The following LIN52 variants were observed in gnomAD, a reference collection of about 807,000 sequenced individuals.
LIN52 encodes protein lin-52 homolog.
LIN52 carries 4 observed loss-of-function variants against 18.5 expected under a neutral mutation model. The observed-to-expected ratio is 0.22, with a 90% confidence interval of 0.11 to 0.49. LIN52 has a LOEUF of 0.49. LIN52 is among the 20% of genes least tolerant of loss of function. LIN52 has a pLI of 0.97. For missense variants in LIN52, 102 were observed against 139.5 expected (o/e 0.73, Z 1.35); for synonymous variants, 34 against 45.5 (o/e 0.75, Z 1.02).
chr14:74,199,698 A>G lies in LIN52; in HGVS notation c.*721A>G, dbSNP rs2139602485. 1 of 152,334 alleles carries G rather than the reference A, an allele frequency of 6.6e-6. No homozygotes were observed. The allele number at this position is 152,334 out of a possible 1,614,324, so 9.4% of individuals were successfully genotyped here. A position where few individuals can be genotyped will look rare whatever the true frequency, so the allele number is the denominator to read the frequency against. On this transcript the variant is annotated 3_prime_UTR_variant, in exon 6 of 6. Coordinates refer to ENST00000555028, the MANE Select transcript of LIN52 (RefSeq NM_001024674.3). Reference sequence around the variant, plus strand: ...GCCCATCCAAGGTTGTCTAAAGACCAATGTGAAGGTGACAGAAAGGACTTT... The same window carrying G: ...GCCCATCCAAGGTTGTCTAAAGACCGATGTGAAGGTGACAGAAAGGACTTT...
In LIN52 at chr14:74,117,641, G is replaced by A. The variant is rs192352580; in HGVS notation, c.283+16403G>A. ...AATAAATTGGCATTTTTCTGCTTTC[G>A]TTTGTTTTTTAGTTATTGATGTTCT... On this transcript the variant is annotated intron_variant, in intron 5 of 5. Coordinates refer to ENST00000555028, the MANE Select transcript of LIN52 (RefSeq NM_001024674.3). Among the ~76,000 whole-genome samples the A allele has an allele frequency of 9.9e-5, 15 of 152,182 alleles. No individual in the cohort carries two copies. The East Asian group carries it at 2.7e-3, about 27-fold the overall frequency.
At chr14:74,109,997 G>T (rs1014051083) in intron 5 of LIN52, among the ~76,000 whole-genome samples, 1 of 152,094 alleles carries the variant, frequency 6.6e-6, no homozygotes, top group African/African-American at 2.4e-5. Context: ...TTGAATAGAC[G>T]TGGCAGGAGT....
chr14:74,124,665 C>A (rs957611864), intron 5 of LIN52, among the ~76,000 whole-genome samples: 4 of 151,760 alleles, frequency 2.6e-5, no homozygotes, highest in Non-Finnish European at 5.9e-5. Flanking sequence ...GCAAAATTAG[C>A]TGGGCATGGT....
rs1409701127 is a variant in LIN52, at chr14:74,125,729, T to C, written c.283+24491T>C. 2.0e-5 allele frequency among the ~76,000 whole-genome samples: 3 copies of C among 152,116 alleles called. No individual in the cohort carries two copies. The East Asian group carries it at 5.8e-4, about 29-fold the overall frequency. Reference sequence around the variant, plus strand: ...AGCCATGAAAAATGATGAGTTCATGTCCTTTGTAGGGACATGGATGAAGCT... The same window carrying C: ...AGCCATGAAAAATGATGAGTTCATGCCCTTTGTAGGGACATGGATGAAGCT... On this transcript the variant is annotated intron_variant, in intron 5 of 5. Transcript: ENST00000555028.
At chr14:74,085,678 G>A (rs926553445) in intron 1 of LIN52, 1 of 151,086 alleles carries the variant, frequency 6.6e-6, no homozygotes, top group African/African-American at 2.4e-5. Flanking sequence ...TTTATATATT[G>A]TGTAAAATGC....
chr14:74,085,528 G>C (rs1425984557), intron 1 of LIN52: 1 of 152,278 alleles, frequency 6.6e-6, no homozygotes, highest in East Asian at 1.9e-4. Flanking sequence ...GAGAAGCGGG[G>C]GACGTTCTCG....
chr14:74,137,496 C>CT (rs1409995305), intron 5 of LIN52, among the ~76,000 whole-genome samples: 2 of 85,516 alleles, frequency 2.3e-5, no homozygotes, highest in Admixed American at 1.1e-4. Flanking sequence ...CACAGCAGCT[C>CT]TCTTTTTTTT....
intron 5 of LIN52, 82 bp from the exon 6 acceptor site, chr14:74,198,840 G>A (rs10145171): frequency 0.59 from 605,990 of 1,032,032 alleles, 184,713 homozygotes; most frequent in Non-Finnish European, 0.64. Flanking sequence ...AAATCAATCT[G>A]CATTTTTAAA....
chr14:74,115,074 G>A (rs1165869895), intron 5 of LIN52, among the ~76,000 whole-genome samples: 1 of 152,178 alleles, frequency 6.6e-6, no homozygotes, highest in Non-Finnish European at 1.5e-5. Flanking sequence ...ACAGGAATTG[G>A]TCCAAAATAT....
chr14:74,129,845 G>A (rs1319541282), intron 5 of LIN52, among the ~76,000 whole-genome samples: 1 of 152,098 alleles, frequency 6.6e-6, no homozygotes, highest in Non-Finnish European at 1.5e-5. Context: ...GAGACCCTAT[G>A]TATAGTCTGT....
chr14:74,086,763 G>A (rs2060734941), intron 1 of LIN52, among the ~76,000 whole-genome samples: 1 of 152,076 alleles, frequency 6.6e-6, no homozygotes, highest in Non-Finnish European at 1.5e-5. Context: ...CAGAAAGAAG[G>A]GCATTTAAAA....
chr14:74,134,384 T>G (rs1437360598), intron 5 of LIN52, among the ~76,000 whole-genome samples: 1 of 152,162 alleles, frequency 6.6e-6, no homozygotes, highest in South Asian at 2.1e-4. Flanking sequence ...TAGGTAGGAA[T>G]GGTGGGATAG....
At chr14:74,168,268 G>GT (rs1391134271) in intron 5 of LIN52, among the ~76,000 whole-genome samples, 18 of 152,108 alleles carry the variant, frequency 1.2e-4, no homozygotes, top group Admixed American at 1.0e-3. Context: ...TAATATTTCT[G>GT]TTTTTTTAAT....
At chr14:74,105,137 T>G (rs1162896410) in intron 5 of LIN52, among the ~76,000 whole-genome samples, 5 of 152,240 alleles carry the variant, frequency 3.3e-5, no homozygotes, top group Admixed American at 3.3e-4. Context: ...AAAGTTTATT[T>G]TAATGACTTT....
At chr14:74,125,295 G>C (rs917788186) in intron 5 of LIN52, among the ~76,000 whole-genome samples, 4 of 152,138 alleles carry the variant, frequency 2.6e-5, no homozygotes, top group Non-Finnish European at 5.9e-5. Flanking sequence ...TGACTTTTTA[G>C]TGATTGCCAT....
At chr14:74,109,108 C>T (rs2060913017) in intron 5 of LIN52, among the ~76,000 whole-genome samples, 1 of 152,124 alleles carries the variant, frequency 6.6e-6, no homozygotes, top group South Asian at 2.1e-4. Context: ...AATTCTTTCG[C>T]ATGTGGATAT....
At chr14:74,130,277 G>GTTTTTTTTTTTTTTTTTT (rs371965343) in intron 5 of LIN52, among the ~76,000 whole-genome samples, 6 of 46,418 alleles carry the variant, frequency 1.3e-4, no homozygotes, top group Admixed American at 3.1e-4. Context: ...GGCATTTTTT[G>GTTTTTTTTTTTTTTTTTT]GTTTTTTTTT....
At chr14:74,138,254 A>G (rs1167706760) in intron 5 of LIN52, among the ~76,000 whole-genome samples, 1 of 152,216 alleles carries the variant, frequency 6.6e-6, no homozygotes, top group Non-Finnish European at 1.5e-5. Flanking sequence ...CTTGGAAGAG[A>G]TGAAACTTGA....
chr14:74,115,538 C>T (rs2060959566), intron 5 of LIN52, among the ~76,000 whole-genome samples: 1 of 152,168 alleles, frequency 6.6e-6, no homozygotes, highest in African/African-American at 2.4e-5. Context: ...TTGTTTTATG[C>T]ATTACTTTAC....
Sources: allele counts gnomAD v4.1 joint callset (sites outside exome capture counted in the v4.1 genomes callset), GRCh38; gene constraint gnomAD v4.1.1; transcripts MANE v1.5; gene names NCBI Gene and HGNC (gene_info 2026-07-23, HGNC 2026-07-21).